Variants in CASK observed in about 807,000 individuals in gnomAD.
CASK encodes the protein calcium/calmodulin dependent serine protein kinase.
CASK carries 4 observed loss-of-function variants against 82.9 expected under a neutral mutation model. The ratio of observed to expected loss-of-function variants is 0.05; its 90% CI spans 0.02 to 0.11. The LOEUF is 0.11. Ranked by LOEUF, CASK falls within the 10% of genes least tolerant of loss-of-function variation. The pLI is 1.00. For synonymous variants in CASK, 259 were observed against 253.5 expected (o/e 1.02, Z -0.20); for missense variants, 358 against 720.9 (o/e 0.50, Z 5.76).
At chrX:41,565,783 A>G (rs2065304981) in intron 16 of CASK, among the ~76,000 whole-genome samples, 1 of 111,737 alleles carries the variant, frequency 8.9e-6, no homozygotes, top group Admixed American at 9.5e-5. Context: ...ACACAACAAA[A>G]AAACAGAATT....
intron 12 of CASK, among the ~76,000 whole-genome samples, chrX:41,609,129 T>A (rs1320929572): frequency 8.9e-6 from 1 of 112,392 alleles, no homozygotes; most frequent in Non-Finnish European, 1.9e-5. Context: ...TTTTCTTTGT[T>A]TTTGAGATGG....
intron 4 of CASK, among the ~76,000 whole-genome samples, chrX:41,744,502 C>T (rs953042733): frequency 8.7e-4 from 97 of 110,858 alleles, no homozygotes; most frequent in Non-Finnish European, 1.5e-3. Flanking sequence ...CCCGCCACCA[C>T]GCCCGGCTAA....
At chrX:41,624,899 G>T (rs187262400) in intron 10 of CASK, among the ~76,000 whole-genome samples, 8 of 111,320 alleles carry the variant, frequency 7.2e-5, no homozygotes, top group Non-Finnish European at 1.9e-5. Context: ...TATGAATATT[G>T]ATGAAGCTAG....
At chrX:41,612,754 G>T (rs757306293) in intron 11 of CASK, among the ~76,000 whole-genome samples, 1 of 92,924 alleles carries the variant, frequency 1.1e-5, no homozygotes, top group East Asian at 3.8e-4. Flanking sequence ...AGGGAGGTGG[G>T]GGGGGGTCAA....
chrX:41,817,512 G>C lies in CASK; in HGVS notation c.173-30229C>G, dbSNP rs978817438. On this transcript the variant is annotated intron_variant, in intron 2 of 26. Transcript: ENST00000378163. ...GAGAGAGTCTACAAAAAAGCTATTA[G>C]AACTACAGGTTGAATATCTCTTATC... is the stretch of plus-strand genomic sequence containing the variant. 8.6e-4 allele frequency among the ~76,000 whole-genome samples: 96 copies of C among 111,576 alleles called. 2 individuals carry two copies. Among genetic ancestry groups the C allele is most frequent in the Non-Finnish European group, 1.6e-3 (84 of 53,071 alleles).
intron 5 of CASK, chrX:41,698,188 C>T (rs1480818741): frequency 8.9e-6 from 1 of 111,856 alleles, no homozygotes; most frequent in African/African-American, 3.3e-5. Context: ...TACATACCAA[C>T]TTAATGGTTA....
intron 1 of CASK, among the ~76,000 whole-genome samples, chrX:41,874,000 A>T (rs2071762259): frequency 9.1e-6 from 1 of 109,963 alleles, no homozygotes; most frequent in Non-Finnish European, 1.9e-5. Context: ...CATGTTGCCC[A>T]GGCTGGTTTC....
At chrX:41,858,845 G>T (rs192601090) in intron 1 of CASK, among the ~76,000 whole-genome samples, 1 of 110,935 alleles carries the variant, frequency 9.0e-6, no homozygotes, top group Non-Finnish European at 1.9e-5. Flanking sequence ...AATTTAAAAA[G>T]ATTAATATAA....
chrX:41,715,067 C>A (rs770115037), intron 5 of CASK, among the ~76,000 whole-genome samples: 1 of 112,325 alleles, frequency 8.9e-6, no homozygotes, highest in South Asian at 3.7e-4. Flanking sequence ...GGTGAACAAT[C>A]TTGTTTGGAA....
At chrX:41,609,713 C>A (rs1178072170) in intron 12 of CASK, among the ~76,000 whole-genome samples, 191 bp downstream of exon 12, 3 of 109,641 alleles carry the variant, frequency 2.7e-5, no homozygotes, top group East Asian at 5.7e-4. Context: ...CATGCGCCAC[C>A]ACACCTGGCT....
intron 8 of CASK, among the ~76,000 whole-genome samples, chrX:41,647,212 G>A (rs909844536): frequency 1.8e-5 from 2 of 112,385 alleles, no homozygotes; most frequent in Non-Finnish European, 1.9e-5. Flanking sequence ...CTCGAACATC[G>A]CATTGCAAAT....
chrX:41,826,465 TTTTTG>T (rs1219329270), intron 2 of CASK, among the ~76,000 whole-genome samples: 4 of 111,364 alleles, frequency 3.6e-5, no homozygotes, highest in African/African-American at 9.8e-5. Context: ...TTGGTTTAGT[TTTTTG>T]TTTTGTTTTG....
chrX:41,583,299 GCTC>G (rs1315541139), intron 14 of CASK, among the ~76,000 whole-genome samples: 1 of 111,551 alleles, frequency 9.0e-6, no homozygotes, highest in Non-Finnish European at 1.9e-5. Flanking sequence ...GAAAAAAAAG[GCTC>G]CTATTTGGGT....
At chrX:41,804,952 C>T (rs1203756474) in intron 2 of CASK, among the ~76,000 whole-genome samples, 1 of 111,999 alleles carries the variant, frequency 8.9e-6, no homozygotes, top group Admixed American at 9.5e-5. Context: ...CTAATAAATA[C>T]AATGCTCTGT....
At chrX:41,633,960 C>T (rs1240260429) in intron 9 of CASK, among the ~76,000 whole-genome samples, 1 of 111,165 alleles carries the variant, frequency 9.0e-6, no homozygotes, top group Non-Finnish European at 1.9e-5. Flanking sequence ...CGGGGTTTCA[C>T]CATGTTGCCC....
intron 21 of CASK, among the ~76,000 whole-genome samples, chrX:41,552,188 C>T (rs1175577447): frequency 1.8e-5 from 2 of 109,120 alleles, no homozygotes; most frequent in South Asian, 4.0e-4. Context: ...CTGCCCACCT[C>T]GGCGTCCCAG....
chrX:41,864,498 T>C (rs1157917416), intron 1 of CASK, among the ~76,000 whole-genome samples: 2 of 112,047 alleles, frequency 1.8e-5, no homozygotes, highest in Non-Finnish European at 3.8e-5. Flanking sequence ...CATGTAGCAT[T>C]TATTATCAGT....
At chrX:41,901,035 T>C (rs995065129) in intron 1 of CASK, among the ~76,000 whole-genome samples, 1 of 112,015 alleles carries the variant, frequency 8.9e-6, no homozygotes, top group African/African-American at 3.2e-5. Flanking sequence ...TGCGAGACAC[T>C]GCACCTGGCC....
At position 41,573,223 on chromosome X, in the gene CASK, G is replaced by GT. The variant is rs1330344611; in HGVS notation, c.1504-3478dup. Among the ~76,000 whole-genome samples, 24 of 94,787 alleles carry GT rather than the reference G, an allele frequency of 2.5e-4. No homozygotes were observed. The East Asian group carries it at 4.9e-3, about 19-fold the overall frequency. The allele number at this position is 94,787 out of a possible 115,157, so 82.3% of individuals were successfully genotyped here. A position where few individuals can be genotyped will look rare whatever the true frequency, so the allele number is the denominator to read the frequency against. ...TCCCAATTTCTTTCTTTTTTTTTTT[G>GT]TTTTTTTTTGGTCTGTTTCTCAGAT... On this transcript the variant is annotated intron_variant, in intron 15 of 26. Coordinates refer to ENST00000378163, the MANE Select transcript of CASK (RefSeq NM_001367721.1).
Sources: allele counts gnomAD v4.1 joint callset (sites outside exome capture counted in the v4.1 genomes callset), GRCh38; gene constraint gnomAD v4.1.1; transcripts MANE v1.5; gene names NCBI Gene and HGNC (gene_info 2026-07-23, HGNC 2026-07-21).